NDUFC2: variants seen among roughly 807,000 people sequenced by gnomAD.
NDUFC2 encodes NADH dehydrogenase [ubiquinone] 1 subunit C2.
In NDUFC2, 2 loss-of-function variants were observed where a neutral mutation model predicts 10.1. That is an observed-to-expected ratio of 0.20 (90% CI 0.08 to 0.62). The LOEUF is 0.62. Ranked by LOEUF, NDUFC2 falls within the 20% of genes least tolerant of loss-of-function variation. The pLI is 0.87. For synonymous variants in NDUFC2, 61 were observed against 63.6 expected (o/e 0.96, Z 0.20); for missense variants, 156 against 159.6 (o/e 0.98, Z 0.12).
chr11:78,079,066 G>A (rs1344214289), intron 1 of NDUFC2, among the ~76,000 whole-genome samples: 1 of 143,582 alleles, frequency 7.0e-6, no homozygotes, highest in East Asian at 2.0e-4. Context: ...CTATTCGTAT[G>A]CACATTAAGT....
At position 78,069,551 on chromosome 11, in the gene NDUFC2, G is replaced by C. The variant is rs970753437; in HGVS notation, c.*436C>G. The C allele has an allele frequency of 2.5e-5, 8 of 314,918 alleles. No individual in the cohort carries two copies. The highest frequency in any genetic ancestry group is 1.7e-4 in the African/African-American group (8 of 45,952). 19.5% of individuals were successfully genotyped at this position (314,918 alleles called of 1,614,324 possible). On this transcript the variant is annotated 3_prime_UTR_variant, in exon 3 of 3. Transcript: ENST00000281031. ...CTCACTCTAAATTCACTTTGCACTA[G>C]GACAGGGGCAGGCAAACCTTTTCTG...
intron 2 of NDUFC2, among the ~76,000 whole-genome samples, chr11:78,071,350 A>G (rs978835660): frequency 6.9e-6 from 1 of 144,944 alleles, no homozygotes; most frequent in Non-Finnish European, 1.5e-5. Flanking sequence ...TTGTCCTCCC[A>G]GGCTCAAGTA....
chr11:78,076,468 T>A (rs757059685), intron 1 of NDUFC2, among the ~76,000 whole-genome samples: 1 of 151,028 alleles, frequency 6.6e-6, no homozygotes, highest in Non-Finnish European at 1.5e-5. Context: ...GAACACCTAC[T>A]ATAGATATTA....
Position 78,076,764 on chromosome 11 carries a change from C to T in NDUFC2, c.166+2815G>A, listed in dbSNP as rs116131633. Among the ~76,000 whole-genome samples, 646 of 152,312 alleles carry T rather than the reference C, an allele frequency of 4.2e-3. 5 individuals carry two copies. Among genetic ancestry groups the T allele is most frequent in the African/African-American group, 0.015 (621 of 41,554 alleles). ...TACTCTTCTGTCTCCCAGAAAGGCA[C>T]AAACGGCTAAACTAACAACGAGATT... On this transcript the variant is annotated intron_variant, in intron 1 of 2. Transcript: ENST00000281031.
chr11:78,076,104 T>C (rs1398117272), intron 1 of NDUFC2, among the ~76,000 whole-genome samples: 2 of 152,062 alleles, frequency 1.3e-5, no homozygotes, highest in African/African-American at 2.4e-5. Context: ...CCATGTTTTA[T>C]ATTCCTTGTA....
At chr11:78,074,054 C>CT (rs11290652) in intron 1 of NDUFC2, among the ~76,000 whole-genome samples, 9 of 147,288 alleles carry the variant, frequency 6.1e-5, no homozygotes, top group Admixed American at 3.4e-4. Context: ...TTCTTTCTTT[C>CT]TTTTTTTTTT....
At chr11:78,071,060 T>G (rs1261178232) in intron 2 of NDUFC2, among the ~76,000 whole-genome samples, 1 of 152,196 alleles carries the variant, frequency 6.6e-6, no homozygotes, top group Non-Finnish European at 1.5e-5. Context: ...CATGGCTTTG[T>G]GCTAGTCTTT....
At position 78,069,731 on chromosome 11, in the gene NDUFC2, G is replaced by C; in HGVS notation, c.*256C>G. On this transcript the variant is annotated 3_prime_UTR_variant, in exon 3 of 3. Transcript: ENST00000281031. ...ACTTTATTGGCAGTGGGCCAGATTT[G>C]GGTAGTCTGCTAACTCTAAACTAGA... 1 of 726,842 alleles carries C rather than the reference G, an allele frequency of 1.4e-6. No homozygotes were observed. Among genetic ancestry groups the C allele is most frequent in the Admixed American group, 2.9e-5 (1 of 34,336 alleles). The allele number at this position is 726,842 out of a possible 1,614,324, so 45.0% of individuals were successfully genotyped here. A position where few individuals can be genotyped will look rare whatever the true frequency, so the allele number is the denominator to read the frequency against.
chr11:78,078,355 A>G (rs576198821), intron 1 of NDUFC2, among the ~76,000 whole-genome samples: 12 of 152,130 alleles, frequency 7.9e-5, no homozygotes, highest in Non-Finnish European at 1.3e-4. Context: ...AAACCTGAAC[A>G]CTCACTCAAT....
intron 1 of NDUFC2, among the ~76,000 whole-genome samples, chr11:78,074,176 G>A (rs1363169093): frequency 2.6e-5 from 4 of 151,282 alleles, no homozygotes; most frequent in East Asian, 1.9e-4. Context: ...CACCACACTC[G>A]GCCCACATTA....
intron 1 of NDUFC2, among the ~76,000 whole-genome samples, chr11:78,074,948 C>T (rs974539230): frequency 6.6e-6 from 1 of 152,200 alleles, no homozygotes; most frequent in Non-Finnish European, 1.5e-5. Context: ...AGCATCCTAG[C>T]CCTAAAGGCA....
intron 2 of NDUFC2, among the ~76,000 whole-genome samples, chr11:78,071,072 A>T (rs522683): frequency 0.86 from 131,558 of 152,134 alleles, 57,022 homozygotes; most frequent in African/African-American, 0.91. Flanking sequence ...CTAGTCTTTA[A>T]GCTCTTCTTT....
chr11:78,072,942 A>C (rs1443401911), intron 2 of NDUFC2, 56 bp downstream of exon 2: 1 of 1,589,504 alleles, frequency 6.3e-7, no homozygotes, highest in East Asian at 2.2e-5. Context: ...GATAAGATTA[A>C]CCAGGGAAAA....
chr11:78,070,652 T>A (rs1400469617), intron 2 of NDUFC2, among the ~76,000 whole-genome samples: 1 of 152,200 alleles, frequency 6.6e-6, no homozygotes, highest in Non-Finnish European at 1.5e-5. Flanking sequence ...GAATCTGTGA[T>A]GACAACCAAA....
intron 1 of NDUFC2, among the ~76,000 whole-genome samples, chr11:78,073,870 A>T (rs1157263706): frequency 1.4e-5 from 2 of 147,404 alleles, no homozygotes; most frequent in Non-Finnish European, 3.0e-5. Context: ...GAGACACCCT[A>T]CATATTCTTT....
Position 78,073,157 on chromosome 11 carries a change from C to T in NDUFC2, c.167-16G>A, listed in dbSNP as rs1421364488. ...CGATGCAAACCTGAAATTCAAATGA[C>T]AAATCCCAAAGAAAGCAAAAATTAG... is the stretch of plus-strand genomic sequence containing the variant. On this transcript the variant is annotated splice_polypyrimidine_tract_variant and intron_variant, in intron 1 of 2. Coordinates refer to ENST00000281031, the MANE Select transcript of NDUFC2 (RefSeq NM_004549.6). The T allele has an allele frequency of 6.2e-7, 1 of 1,611,804 alleles. No individual in the cohort carries two copies. Among genetic ancestry groups the T allele is most frequent in the East Asian group, 2.2e-5 (1 of 44,876 alleles).
At chr11:78,078,728 C>CTATTTTTTTTTTTTTT (rs1859357743) in intron 1 of NDUFC2, among the ~76,000 whole-genome samples, 4 of 61,642 alleles carry the variant, frequency 6.5e-5, no homozygotes, top group Non-Finnish European at 5.9e-5. Flanking sequence ...TCAGGATCCG[C>CTATTTTTTTTTTTTTT]TTTTTTTTTT....
chr11:78,073,109 A>G lies in NDUFC2; in HGVS notation c.199T>C (p.Phe67Leu). Residue 67 changes from phenylalanine to leucine, a missense_variant, in exon 2 of 3, where the codon TTT becomes CTT. Transcript: ENST00000281031. ...LHRQLLYITA[F>L]FFAGYYLVKR... Reference sequence around the variant, plus strand: ...ACAAGATAATATCCAGCAAAAAAAAAGGCCGTAATATATAGAAGCTGGCGA... The same window carrying G: ...ACAAGATAATATCCAGCAAAAAAAAGGGCCGTAATATATAGAAGCTGGCGA... 1 of 1,613,300 alleles carries G rather than the reference A, an allele frequency of 6.2e-7. No homozygotes were observed. The highest frequency in any genetic ancestry group is 8.5e-7 in the Non-Finnish European group (1 of 1,179,856).
intron 1 of NDUFC2, among the ~76,000 whole-genome samples, chr11:78,073,470 T>C (rs1281297444): frequency 7.2e-6 from 1 of 138,228 alleles, no homozygotes; most frequent in Non-Finnish European, 1.6e-5. Context: ...CCAGCCTGGG[T>C]GACAAAGCGC....
Sources: gnomAD v4.1 joint callset for allele counts (sites outside exome capture counted in the v4.1 genomes callset) on GRCh38, gnomAD v4.1.1 for gene constraint, MANE v1.5 for transcripts, NCBI Gene and HGNC (gene_info 2026-07-23, HGNC 2026-07-21) for gene names.